DPP6: variants seen among roughly 807,000 people sequenced by gnomAD.
DPP6 encodes the protein A-type potassium channel modulatory protein DPP6.
DPP6 carries 69 observed loss-of-function variants against 122.6 expected under a neutral mutation model. That is an observed-to-expected ratio of 0.56 (90% CI 0.46 to 0.69). The LOEUF (loss-of-function observed/expected upper bound fraction) is 0.69, where lower values mean the gene tolerates loss of function less well. DPP6 is among the 30% of genes least tolerant of loss of function. The probability of loss-of-function intolerance (pLI) is 0.00; values close to 1 mark genes in which losing one functional copy is unlikely to be tolerated. For synonymous variants in DPP6, 418 were observed against 433.1 expected, an observed-to-expected ratio of 0.97 and a Z score of 0.43; for missense variants, 928 against 1,116.9, an observed-to-expected ratio of 0.83 and a Z score of 2.41.
At chr7:154,188,031 C>A (rs557027171) in intron 1 of DPP6, among the ~76,000 whole-genome samples, 4 of 151,970 alleles carry the variant, frequency 2.6e-5, no homozygotes, top group Non-Finnish European at 4.4e-5. Flanking sequence ...CCTGAAGATG[C>A]TAATGGCTCT....
chr7:154,346,158 C>A (rs74814569), intron 1 of DPP6, among the ~76,000 whole-genome samples: 1 of 151,994 alleles, frequency 6.6e-6, no homozygotes, highest in Non-Finnish European at 1.5e-5. Flanking sequence ...AAATTATTTG[C>A]GAGTATATCT....
the DPP6 span, among the ~76,000 whole-genome samples, chr7:153,771,272 A>C: frequency 6.6e-6 from 1 of 152,212 alleles, no homozygotes; most frequent in Non-Finnish European, 1.5e-5. Context: ...AGGGGAACAA[A>C]GATAAGAATT....
chr7:154,535,383 TAG>T (rs890814945), intron 3 of DPP6, among the ~76,000 whole-genome samples: 29 of 63,658 alleles, frequency 4.6e-4, no homozygotes, highest in Middle Eastern at 7.6e-3. Context: ...TCATTCACTT[TAG>T]ATTTTTTTTT....
rs548204677 is a variant in DPP6, at chr7:153,894,497, C to T, written c.51+6763C>T. The stretch of plus-strand genomic sequence containing the variant: ...GGATGATGGGAGAAAGGGTTCCATT[C>T]GGGAAGTAGAAGTTTCAAAAACCCA... On this transcript the variant is annotated intron_variant, in intron 1 of 25. Coordinates refer to the DPP6 transcript ENST00000404039. 1.1e-4 allele frequency among the ~76,000 whole-genome samples: 17 copies of T among 152,182 alleles called. No individual in the cohort carries two copies. In the South Asian group the frequency reaches 1.9e-3, roughly 17 times the overall value.
chr7:154,122,124 C>T (rs183956890), intron 1 of DPP6, among the ~76,000 whole-genome samples: 3 of 152,324 alleles, frequency 2.0e-5, no homozygotes. Flanking sequence ...GGACTCATTT[C>T]TCTCCAGACC....
chr7:153,943,733 T>G (rs1585067292), intron 1 of DPP6, among the ~76,000 whole-genome samples: 2 of 152,156 alleles, frequency 1.3e-5, no homozygotes, highest in East Asian at 3.9e-4. Context: ...GCCAGAAAAA[T>G]GTGTCTGCCA....
At chr7:154,324,504 G>C (rs545948248) in intron 1 of DPP6, among the ~76,000 whole-genome samples, 3 of 152,094 alleles carry the variant, frequency 2.0e-5, no homozygotes, top group African/African-American at 4.8e-5. Flanking sequence ...GGGTGACCCC[G>C]GTGTGATCTC....
chr7:154,597,222 A>T (rs6597422), intron 5 of DPP6, among the ~76,000 whole-genome samples: 11 of 150,688 alleles, frequency 7.3e-5, no homozygotes, highest in Admixed American at 2.0e-4. Context: ...GACAGAGGGG[A>T]GACAGAGAGA....
chr7:154,643,961 A>T (rs772233409), intron 6 of DPP6, among the ~76,000 whole-genome samples: 1 of 152,194 alleles, frequency 6.6e-6, no homozygotes, highest in African/African-American at 2.4e-5. Context: ...GCATGAGCCA[A>T]CACTTCCTAG....
intron 1 of DPP6, among the ~76,000 whole-genome samples, chr7:154,405,223 A>G (rs1316834741): frequency 6.6e-6 from 1 of 152,198 alleles, no homozygotes; most frequent in African/African-American, 2.4e-5. Context: ...CACCCATTAA[A>G]TTACATAGCG....
intron 1 of DPP6, among the ~76,000 whole-genome samples, chr7:154,419,394 A>G (rs1817272756): frequency 1.3e-5 from 2 of 152,246 alleles, no homozygotes; most frequent in South Asian, 4.1e-4. Context: ...TTTTTAAAAT[A>G]GTGCTCACAG....
intron 7 of DPP6, among the ~76,000 whole-genome samples, chr7:154,681,563 C>T (rs926794725): frequency 6.6e-6 from 1 of 152,178 alleles, no homozygotes; most frequent in Non-Finnish European, 1.5e-5. Context: ...AGCTTCTGAA[C>T]ATTTGGAGGC....
intron 3 of DPP6, among the ~76,000 whole-genome samples, chr7:154,509,086 A>T (rs1455285580): frequency 6.6e-6 from 1 of 152,220 alleles, no homozygotes; most frequent in Admixed American, 6.5e-5. Context: ...AGATTCTTAG[A>T]TATAGTACAA....
At chr7:154,113,412 T>TATATATACACAC (rs1472172445) in intron 1 of DPP6, among the ~76,000 whole-genome samples, 7 of 141,788 alleles carry the variant, frequency 4.9e-5, no homozygotes, top group African/African-American at 1.8e-4. Flanking sequence ...TATATATATA[T>TATATATACACAC]ACACACACAC....
chr7:154,817,056 A>G (rs1006714032), intron 16 of DPP6, among the ~76,000 whole-genome samples: 2 of 152,186 alleles, frequency 1.3e-5, no homozygotes, highest in Non-Finnish European at 2.9e-5. Context: ...GAGCTCCCAG[A>G]TGCCCCTCCT....
intron 1 of DPP6, among the ~76,000 whole-genome samples, chr7:154,331,129 C>T (rs551540940): frequency 6.6e-6 from 1 of 152,236 alleles, no homozygotes; most frequent in East Asian, 1.9e-4. Context: ...TTCTCCCCCT[C>T]AGGTATTTTA....
intron 16 of DPP6, among the ~76,000 whole-genome samples, chr7:154,853,189 C>T (rs535012441): frequency 6.6e-6 from 1 of 152,336 alleles, no homozygotes; most frequent in South Asian, 2.1e-4. Context: ...GATCAGGGGC[C>T]ACCTGGTCCT....
chr7:154,682,093 A>T (rs1839316171), intron 7 of DPP6, among the ~76,000 whole-genome samples: 1 of 152,236 alleles, frequency 6.6e-6, no homozygotes, highest in Admixed American at 6.5e-5. Flanking sequence ...GGAAATTGGA[A>T]AACTTTGACG....
At chr7:153,828,119 A>T in the DPP6 span, among the ~76,000 whole-genome samples, 9 of 152,080 alleles carry the variant, frequency 5.9e-5, no homozygotes, top group Non-Finnish European at 1.3e-4. Context: ...GCCTTCCAAG[A>T]CCAAGTGCAG....
Sources: gnomAD v4.1 joint callset for allele counts (sites outside exome capture counted in the v4.1 genomes callset) on GRCh38, gnomAD v4.1.1 for gene constraint, MANE v1.5 for transcripts, NCBI Gene and HGNC (gene_info 2026-07-23, HGNC 2026-07-21) for gene names.